WWOX: variants seen among roughly 807,000 people sequenced by gnomAD.
The protein encoded by WWOX is WW domain-containing oxidoreductase.
In WWOX, 69 loss-of-function variants were observed where a neutral mutation model predicts 46.2. The ratio of observed to expected loss-of-function variants is 1.49; its 90% confidence interval spans 1.23 to 1.82. WWOX has a LOEUF of 1.82. Ranked by LOEUF, WWOX falls within the 40% of genes most tolerant of loss-of-function variation. The pLI, the probability that WWOX is intolerant of heterozygous loss-of-function variation, is 0.00. For synonymous variants in WWOX, 359 were observed against 202.6 expected, an observed-to-expected ratio of 1.77 and a Z score of -6.56; for missense variants, 919 against 542.6, an observed-to-expected ratio of 1.69 and a Z score of -6.89.
intron 5 of WWOX, among the ~76,000 whole-genome samples, chr16:78,258,330 GC>G (rs980348867): frequency 6.6e-6 from 1 of 152,082 alleles, no homozygotes; most frequent in Non-Finnish European, 1.5e-5. Context: ...TTAAAAATAG[GC>G]TATATACACT....
intron 5 of WWOX, among the ~76,000 whole-genome samples, chr16:78,269,914 G>GTTT (rs71137883): frequency 0.11 from 13,340 of 125,464 alleles, 785 homozygotes; most frequent in Non-Finnish European, 0.14. Flanking sequence ...ACATAAGGAA[G>GTTT]TTTTTTTTTT....
chr16:78,442,946 C>T (rs532596414), intron 8 of WWOX, among the ~76,000 whole-genome samples: 1 of 151,946 alleles, frequency 6.6e-6, no homozygotes, highest in South Asian at 2.1e-4. Flanking sequence ...CATGGTGAAA[C>T]CCTGTCTCTA....
At chr16:78,284,803 T>C (rs1319029282) in intron 5 of WWOX, among the ~76,000 whole-genome samples, 1 of 152,252 alleles carries the variant, frequency 6.6e-6, no homozygotes, top group Non-Finnish European at 1.5e-5. Context: ...CTTACAAAGC[T>C]TGGTCCTAAC....
intron 8 of WWOX, among the ~76,000 whole-genome samples, chr16:78,758,950 A>C (rs376392876): frequency 9.2e-5 from 14 of 151,860 alleles, no homozygotes; most frequent in East Asian, 7.7e-4. Context: ...AAAAAAAAAA[A>C]ACAAAAAACC....
chr16:78,915,202 A>G (rs1205499988), intron 8 of WWOX, among the ~76,000 whole-genome samples: 1 of 152,090 alleles, frequency 6.6e-6, no homozygotes, highest in Admixed American at 6.6e-5. Flanking sequence ...CTCACCCCAA[A>G]TCAGATCATG....
chr16:78,190,784 T>G (rs2035860498), intron 5 of WWOX, among the ~76,000 whole-genome samples: 1 of 152,230 alleles, frequency 6.6e-6, no homozygotes, highest in South Asian at 2.1e-4. Context: ...TGACGCTGCA[T>G]ACTTCATCAA....
intron 8 of WWOX, among the ~76,000 whole-genome samples, chr16:79,153,410 G>A (rs2050319477): frequency 6.6e-6 from 1 of 152,250 alleles, no homozygotes; most frequent in African/African-American, 2.4e-5. Flanking sequence ...GGGAACTGTG[G>A]AGGTGTCCTC....
intron 8 of WWOX, among the ~76,000 whole-genome samples, chr16:78,433,575 C>G (rs2083270301): frequency 6.6e-6 from 1 of 152,100 alleles, no homozygotes; most frequent in African/African-American, 2.4e-5. Flanking sequence ...ACCCTTTTCC[C>G]AAACACATTT....
intron 6 of WWOX, among the ~76,000 whole-genome samples, chr16:78,411,568 G>T (rs1042891101): frequency 1.3e-5 from 2 of 152,170 alleles, no homozygotes; most frequent in Non-Finnish European, 2.9e-5. Context: ...TGCTCAGAAG[G>T]ACCTGAATGT....
At chr16:78,949,646 C>T (rs1039980602) in intron 8 of WWOX, among the ~76,000 whole-genome samples, 7 of 152,356 alleles carry the variant, frequency 4.6e-5, no homozygotes, top group East Asian at 1.9e-4. Context: ...CTCCAAGGCT[C>T]GTGTTAACTC....
At chr16:78,332,475 A>G (rs1446539625) in intron 5 of WWOX, among the ~76,000 whole-genome samples, 1 of 152,154 alleles carries the variant, frequency 6.6e-6, no homozygotes, top group Admixed American at 6.5e-5. Context: ...AAGGTAAAAG[A>G]AGGATGTTAA....
intron 8 of WWOX, among the ~76,000 whole-genome samples, chr16:78,998,871 A>T (rs979946603): frequency 1.3e-5 from 2 of 152,208 alleles, no homozygotes; most frequent in African/African-American, 2.4e-5. Flanking sequence ...AAGTTCCCTT[A>T]TGCCTGGCAG....
intron 8 of WWOX, among the ~76,000 whole-genome samples, chr16:78,543,573 C>G (rs776057936): frequency 3.9e-5 from 6 of 152,180 alleles, no homozygotes; most frequent in Non-Finnish European, 8.8e-5. Context: ...CTGTTTGAAG[C>G]ACTGTATTGA....
chr16:78,746,179 G>C (rs1320844362), intron 8 of WWOX, among the ~76,000 whole-genome samples: 1 of 152,198 alleles, frequency 6.6e-6, no homozygotes, highest in Admixed American at 6.5e-5. Flanking sequence ...AGCAGGGTCA[G>C]CAGAAAGCTG....
intron 8 of WWOX, among the ~76,000 whole-genome samples, chr16:78,677,184 G>T (rs577931030): frequency 2.0e-5 from 3 of 152,086 alleles, no homozygotes; most frequent in Non-Finnish European, 4.4e-5. Context: ...AGGTGCATGA[G>T]GGGGTCCCAG....
Position 78,809,271 on chromosome 16 carries a change from AG to A in WWOX, c.1056+376525del, listed in dbSNP as rs1261052415. Among the ~76,000 whole-genome samples, 4 of 145,808 alleles carry A rather than the reference AG, an allele frequency of 2.7e-5. No homozygotes were observed. In the East Asian group the frequency reaches 8.8e-4, roughly 32 times the overall value. The stretch of plus-strand genomic sequence containing the variant: ...ATGTTTTTAGAAGTTAGATTTTTTT[AG>A]GGGGGAAACAGGAACCAAAGCAAAG... On this transcript the variant is annotated intron_variant, in intron 8 of 8. Transcript: ENST00000566780.
intron 5 of WWOX, among the ~76,000 whole-genome samples, chr16:78,383,640 G>A (rs1567539663): frequency 6.6e-6 from 1 of 152,148 alleles, no homozygotes; most frequent in Non-Finnish European, 1.5e-5. Flanking sequence ...TAGACAATTA[G>A]AATTGCAAAC....
At chr16:78,523,199 A>T (rs2043387056) in intron 8 of WWOX, among the ~76,000 whole-genome samples, 1 of 152,250 alleles carries the variant, frequency 6.6e-6, no homozygotes, top group Non-Finnish European at 1.5e-5. Context: ...TAATAGTAAT[A>T]ATTACCATCT....
At chr16:79,188,511 A>T (rs1008952692) in intron 8 of WWOX, among the ~76,000 whole-genome samples, 2 of 152,250 alleles carry the variant, frequency 1.3e-5, no homozygotes, top group Admixed American at 1.3e-4. Flanking sequence ...CAGAGAAATC[A>T]CAGATGACTA....
Sources: allele counts gnomAD v4.1 joint callset (sites outside exome capture counted in the v4.1 genomes callset), GRCh38; gene constraint gnomAD v4.1.1; transcripts MANE v1.5; gene names NCBI Gene and HGNC (gene_info 2026-07-23, HGNC 2026-07-21).